Variants in PDE1C observed in about 807,000 individuals in gnomAD.
The protein encoded by PDE1C is dual specificity calcium/calmodulin-dependent 3',5'-cyclic nucleotide phosphodiesterase 1C.
A neutral mutation model predicts 93.1 loss-of-function variants in PDE1C; 62 were observed. That is an observed-to-expected ratio of 0.67 (90% CI 0.54 to 0.82). PDE1C has a LOEUF of 0.82. PDE1C is among the 40% of genes least tolerant of loss of function. PDE1C has a pLI of 0.00. For missense variants in PDE1C, 742 were observed against 884.6 expected, an observed-to-expected ratio of 0.84 and a Z score of 2.04; for synonymous variants, 325 against 310.1, an observed-to-expected ratio of 1.05 and a Z score of -0.50.
chr7:32,141,085 A>C (rs1800494198), intron 3 of PDE1C, among the ~76,000 whole-genome samples: 2 of 152,222 alleles, frequency 1.3e-5, no homozygotes, highest in Non-Finnish European at 2.9e-5. Flanking sequence ...GTGGGGAAGC[A>C]AAAAGAATAG....
At chr7:31,673,840 G>A in the PDE1C span, among the ~76,000 whole-genome samples, 45 of 151,944 alleles carry the variant, frequency 3.0e-4, no homozygotes, top group African/African-American at 8.2e-4. Context: ...ATATCAGAGC[G>A]TGAATTTTAA....
intron 1 of PDE1C, among the ~76,000 whole-genome samples, chr7:32,275,659 CA>C (rs779760174): frequency 0.015 from 2,087 of 139,994 alleles, 16 homozygotes; most frequent in Middle Eastern, 0.026. Flanking sequence ...AAAATAAAAC[CA>C]AAAAAAAAAA....
chr7:32,410,877 T>G (rs1004698393), intron 1 of PDE1C, among the ~76,000 whole-genome samples: 6 of 152,198 alleles, frequency 3.9e-5, no homozygotes, highest in Non-Finnish European at 8.8e-5. Flanking sequence ...TGCTAGTCTC[T>G]GGGTGCTTCA....
intron 2 of PDE1C, among the ~76,000 whole-genome samples, chr7:32,033,958 A>G (rs1790674640): frequency 1.3e-5 from 2 of 152,146 alleles, no homozygotes; most frequent in South Asian, 4.1e-4. Flanking sequence ...CTATCAGTAG[A>G]TAATAAAATC....
chr7:32,288,760 C>T (rs1246556824), intron 1 of PDE1C, among the ~76,000 whole-genome samples: 1 of 152,214 alleles, frequency 6.6e-6, no homozygotes, highest in Admixed American at 6.5e-5. Flanking sequence ...TTCACTTTCC[C>T]ACTCACTGCT....
At chr7:31,734,737 G>A in the PDE1C span, among the ~76,000 whole-genome samples, 2 of 152,160 alleles carry the variant, frequency 1.3e-5, no homozygotes, top group South Asian at 2.1e-4. Context: ...GTGAGGCCCC[G>A]GGGCACATAT....
chr7:32,192,611 G>T (rs908363389), intron 2 of PDE1C, among the ~76,000 whole-genome samples: 3 of 151,988 alleles, frequency 2.0e-5, no homozygotes, highest in African/African-American at 4.8e-5. Context: ...CCTTGAAATC[G>T]AGTAGATAGA....
In PDE1C at chr7:31,753,165, C is replaced by G; in HGVS notation, c.*219G>C. 2.5e-6 allele frequency: 1 copy of G among 396,940 alleles called. No homozygotes were observed. Among genetic ancestry groups the G allele is most frequent in the African/African-American group, 2.0e-5 (1 of 48,814 alleles). 24.6% of individuals were successfully genotyped at this position (396,940 alleles called of 1,614,324 possible). A position where few individuals can be genotyped will look rare whatever the true frequency, so the allele number is the denominator to read the frequency against. On this transcript the variant is annotated 3_prime_UTR_variant, in exon 18 of 18. Transcript: ENST00000396191. Reference sequence around the variant, plus strand: ...ACCCCTCTTGCTAGTTTGTTGCTGGCGTCTGGGCTGATCCCACATACAGCA... The same window carrying G: ...ACCCCTCTTGCTAGTTTGTTGCTGGGGTCTGGGCTGATCCCACATACAGCA...
chr7:31,809,568 G>A (rs1787301050), intron 15 of PDE1C, among the ~76,000 whole-genome samples: 1 of 151,964 alleles, frequency 6.6e-6, no homozygotes, highest in African/African-American at 2.4e-5. Context: ...GCTAGAAATG[G>A]TATTTTAATA....
At chr7:31,808,682 C>CA (rs1366836337) in intron 16 of PDE1C, among the ~76,000 whole-genome samples, 1 of 151,848 alleles carries the variant, frequency 6.6e-6, no homozygotes, top group Non-Finnish European at 1.5e-5. Flanking sequence ...GATTCCCCAT[C>CA]AAAAAACTTA....
rs185994144 is a variant in PDE1C at position 32,035,834 on chromosome 7, A to G, written c.128+15720T>C. 8.5e-5 allele frequency among the ~76,000 whole-genome samples: 13 copies of G among 152,318 alleles called. 1 individual carries two copies. The East Asian group carries it at 2.1e-3, about 25-fold the overall frequency. On this transcript the variant is annotated intron_variant, in intron 2 of 17. Coordinates refer to ENST00000396191, the MANE Select transcript of PDE1C (RefSeq NM_001191057.4). ...AGGGCAGCTCTTGCTTCTGATGGCA[A>G]TGGATGCCAGCTGCTGCTGAGAAAA...
At chr7:32,183,735 G>A (rs1382909879) in intron 2 of PDE1C, among the ~76,000 whole-genome samples, 1 of 152,142 alleles carries the variant, frequency 6.6e-6, no homozygotes, top group African/African-American at 2.4e-5. Flanking sequence ...GAGGACATAG[G>A]CATGGGCAAG....
intron 3 of PDE1C, among the ~76,000 whole-genome samples, chr7:32,096,392 C>G (rs1383731523): frequency 6.6e-6 from 1 of 152,142 alleles, no homozygotes; most frequent in Non-Finnish European, 1.5e-5. Flanking sequence ...TAAAGTATCT[C>G]CAAAACAAAC....
chr7:31,975,415 A>T (rs1584284359), intron 2 of PDE1C, among the ~76,000 whole-genome samples: 1 of 152,136 alleles, frequency 6.6e-6, no homozygotes, highest in African/African-American at 2.4e-5. Context: ...TTCCTCTCAG[A>T]CCTATAAAGA....
At chr7:32,179,020 C>T (rs73104544) in intron 2 of PDE1C, among the ~76,000 whole-genome samples, 18,000 of 152,152 alleles carry the variant, frequency 0.12, 1,226 homozygotes, top group Middle Eastern at 0.18. Context: ...ACTAAGACTC[C>T]AAGAAATCAA....
At chr7:31,814,047 T>C (rs1787897971) in intron 15 of PDE1C, among the ~76,000 whole-genome samples, 1 of 151,196 alleles carries the variant, frequency 6.6e-6, no homozygotes, top group Non-Finnish European at 1.5e-5. Flanking sequence ...TGTATACATA[T>C]ATATGTACAC....
chr7:31,844,489 C>A (rs950424271), intron 9 of PDE1C, among the ~76,000 whole-genome samples: 1 of 151,686 alleles, frequency 6.6e-6, no homozygotes, highest in East Asian at 1.9e-4. Context: ...CTATTGTTTT[C>A]TGGCCTCTAT....
intron 2 of PDE1C, among the ~76,000 whole-genome samples, chr7:31,892,797 T>C (rs896254854): frequency 1.3e-5 from 2 of 152,166 alleles, no homozygotes; most frequent in Non-Finnish European, 2.9e-5. Context: ...AATCAAAGGG[T>C]ACAAAGTTCC....
chr7:32,164,565 C>T (rs1358972474), intron 3 of PDE1C, among the ~76,000 whole-genome samples: 1 of 152,166 alleles, frequency 6.6e-6, no homozygotes, highest in Non-Finnish European at 1.5e-5. Flanking sequence ...TGACTTTGGG[C>T]AAGCTGCTTG....
Sources: allele counts gnomAD v4.1 joint callset (sites outside exome capture counted in the v4.1 genomes callset), GRCh38; gene constraint gnomAD v4.1.1; transcripts MANE v1.5; gene names NCBI Gene and HGNC (gene_info 2026-07-23, HGNC 2026-07-21).